PPP4R1: variants seen among roughly 807,000 people sequenced by gnomAD.
The protein encoded by PPP4R1 is protein phosphatase 4 regulatory subunit 1.
Under a neutral mutation model 111.2 loss-of-function variants are expected in PPP4R1, and 42 were observed. That is an observed-to-expected ratio of 0.38 (90% CI 0.29 to 0.49). PPP4R1 has a LOEUF of 0.49. Ranked by LOEUF, PPP4R1 falls within the 20% of genes least tolerant of loss-of-function variation. PPP4R1 has a pLI of 0.97. For synonymous variants in PPP4R1, 409 were observed against 405.5 expected (o/e 1.01, Z -0.10); for missense variants, 1,012 against 1,161.6 (o/e 0.87, Z 1.87).
At chr18:9,584,698 G>A (rs776749580) in intron 7 of PPP4R1, 23 bp downstream of exon 7, 5 of 1,607,156 alleles carry the variant, frequency 3.1e-6, no homozygotes, top group Non-Finnish European at 4.3e-6. Context: ...TTAAACAGCA[G>A]AAAAAAAACG....
chr18:9,584,865 C>A (rs759602433), intron 6 of PPP4R1, 37 bp from the exon 7 acceptor site: 6 of 1,450,068 alleles, frequency 4.1e-6, no homozygotes, highest in Non-Finnish European at 5.7e-6. Flanking sequence ...CTGAAAATAT[C>A]AAGTAAGCCT....
chr18:9,605,141 G>A (rs150189343), intron 2 of PPP4R1, among the ~76,000 whole-genome samples: 1 of 151,986 alleles, frequency 6.6e-6, no homozygotes, highest in East Asian at 1.9e-4. Context: ...ACAATAAATC[G>A]GCCACATTTT....
At chr18:9,549,789 G>A in intron 18 of PPP4R1, 1 of 570,092 alleles carries the variant, frequency 1.8e-6, no homozygotes, top group Non-Finnish European at 3.1e-6. Flanking sequence ...GCACATACCA[G>A]GCATGTGGTG....
chr18:9,561,363 C>T (rs950753480), intron 13 of PPP4R1, among the ~76,000 whole-genome samples: 1 of 152,046 alleles, frequency 6.6e-6, no homozygotes, highest in African/African-American at 2.4e-5. Context: ...CCCACAGTGC[C>T]TTCTTACGAT....
chr18:9,570,266 T>C lies in PPP4R1; in HGVS notation c.1464A>G (p.Glu488=). The C allele has an allele frequency of 6.2e-7, 1 of 1,611,292 alleles. No individual in the cohort carries two copies. The highest frequency in any genetic ancestry group is 8.5e-7 in the Non-Finnish European group (1 of 1,178,878). Residue 488 remains glutamate (E), a synonymous_variant, in exon 11 of 20, where the codon GAA becomes GAG. Coordinates refer to ENST00000400556, the MANE Select transcript of PPP4R1 (RefSeq NM_001042388.3). ...GAGAACTGGGCACAGGGCCCTCAGA[T>C]TCTTCCTCTGGTCCCTCTGGGCTGG... ...GKPSPEGPEE[E]SEGPVPSSPN... is the part of the protein sequence containing the mutation.
At chr18:9,584,453 T>C (rs2067082164) in intron 8 of PPP4R1, 62 bp downstream of exon 8, 2 of 1,415,794 alleles carry the variant, frequency 1.4e-6, no homozygotes, top group East Asian at 4.7e-5. Context: ...TGTGTGCATT[T>C]CAAACTTTAT....
chr18:9,614,410 C>T lies in PPP4R1; in HGVS notation c.7+68G>A, dbSNP rs1598977447. On this transcript the variant is annotated intron_variant, in intron 1 of 19. Transcript: ENST00000400556. The surrounding 1 kb of genome is among the most constrained non-coding windows in gnomAD (Gnocchi z 4.1). ...CGCCGGCCCCGGCCCGGCAGCCACTCAGGGCTGCGGCGGAGGGCGGGTGGG... is the reference window on the plus strand; with the variant it reads ...CGCCGGCCCCGGCCCGGCAGCCACTTAGGGCTGCGGCGGAGGGCGGGTGGG... The T allele has an allele frequency of 9.8e-7, 1 of 1,015,440 alleles. No individual in the cohort carries two copies. The allele number at this position is 1,015,440 out of a possible 1,614,324, so 62.9% of individuals were successfully genotyped here.
Position 9,610,597 on chromosome 18 carries a change from C to T in PPP4R1, c.52+3629G>A, listed in dbSNP as rs369786556. 9.2e-5 allele frequency among the ~76,000 whole-genome samples: 14 copies of T among 151,998 alleles called. No homozygotes were observed. The East Asian group carries it at 1.8e-3, about 19-fold the overall frequency. On this transcript the variant is annotated intron_variant, in intron 2 of 19. Transcript: ENST00000400556. ...CCTGCCTCAGCCTCCTGAGCAGCTG[C>T]GACTACAGGTGCACGCCACCACGCC... is the stretch of plus-strand genomic sequence containing the variant.
chr18:9,606,685 A>G (rs1261445829), intron 2 of PPP4R1, among the ~76,000 whole-genome samples: 1 of 151,848 alleles, frequency 6.6e-6, no homozygotes, highest in Non-Finnish European at 1.5e-5. Flanking sequence ...ATGTATTTAT[A>G]TTTATATATA....
chr18:9,604,003 T>C (rs2067436757), intron 2 of PPP4R1, among the ~76,000 whole-genome samples: 1 of 152,210 alleles, frequency 6.6e-6, no homozygotes, highest in African/African-American at 2.4e-5. Context: ...TTTGTGAGTC[T>C]TAAAAAATGA....
At chr18:9,557,474 TG>T (rs2066605807) in intron 14 of PPP4R1, 92 bp from the exon 15 acceptor site, 5 of 1,159,744 alleles carry the variant, frequency 4.3e-6, no homozygotes, top group Non-Finnish European at 4.7e-6. Context: ...TATATATGAA[TG>T]TTACTAACCT....
chr18:9,560,089 G>C (rs2066648633), intron 13 of PPP4R1, among the ~76,000 whole-genome samples: 1 of 152,008 alleles, frequency 6.6e-6, no homozygotes, highest in Non-Finnish European at 1.5e-5. Flanking sequence ...AGCCCAGCCT[G>C]GGCAACATGG....
At chr18:9,604,568 G>A (rs1370688254) in intron 2 of PPP4R1, among the ~76,000 whole-genome samples, 1 of 151,844 alleles carries the variant, frequency 6.6e-6, no homozygotes, top group Non-Finnish European at 1.5e-5. Flanking sequence ...TTCCATTTCT[G>A]TCCTCTCTAA....
In PPP4R1 at chr18:9,614,385, C is replaced by A; in HGVS notation, c.7+93G>T. On this transcript the variant is annotated intron_variant, in intron 1 of 19. Transcript: ENST00000400556. The surrounding 1 kb of genome is among the most constrained non-coding windows in gnomAD (Gnocchi z 4.1). ...GGCGCCTTCCCGCGCCGGGACCCCA[C>A]GCCGGCCCCGGCCCGGCAGCCACTC... 9.8e-7 allele frequency: 1 copy of A among 1,017,996 alleles called. No individual in the cohort carries two copies. The highest frequency in any genetic ancestry group is 1.2e-6 in the Non-Finnish European group (1 of 848,368). 63.1% of individuals were successfully genotyped at this position (1,017,996 alleles called of 1,614,324 possible). A position where few individuals can be genotyped will look rare whatever the true frequency, so the allele number is the denominator to read the frequency against.
At chr18:9,556,614 TA>T (rs1377994018) in intron 15 of PPP4R1, among the ~76,000 whole-genome samples, 1 of 152,162 alleles carries the variant, frequency 6.6e-6, no homozygotes, top group African/African-American at 2.4e-5. Flanking sequence ...AAACAATTTG[TA>T]AAAAATCAGG....
chr18:9,561,949 C>A, intron 13 of PPP4R1, 31 bp downstream of exon 13: 1 of 1,544,138 alleles, frequency 6.5e-7, no homozygotes. Context: ...AGGAACACAC[C>A]CACAAAAGAA....
At chr18:9,559,721 T>G in intron 13 of PPP4R1, 117 bp from the exon 14 acceptor site, 1 of 746,484 alleles carries the variant, frequency 1.3e-6, no homozygotes, top group Non-Finnish European at 1.9e-6. Flanking sequence ...GCATCTCAAA[T>G]AGTTGAGAAA....
At chr18:9,609,170 T>C (rs1385366004) in intron 2 of PPP4R1, among the ~76,000 whole-genome samples, 1 of 152,200 alleles carries the variant, frequency 6.6e-6, no homozygotes, top group Non-Finnish European at 1.5e-5. Flanking sequence ...TTTTCTAAGA[T>C]ATCAATGATA....
intron 11 of PPP4R1, 23 bp downstream of exon 11, chr18:9,570,134 A>C (rs1470553055): frequency 6.7e-7 from 1 of 1,482,202 alleles, no homozygotes; most frequent in Admixed American, 2.5e-5. Context: ...TTTCAGAATA[A>C]ATAACTTGAT....
Sources: gnomAD v4.1 joint callset for allele counts (sites outside exome capture counted in the v4.1 genomes callset) on GRCh38, gnomAD v4.1.1 for gene constraint, Gnocchi (gnomAD v3.1) non-coding constraint, MANE v1.5 for transcripts, NCBI Gene and HGNC (gene_info 2026-07-23, HGNC 2026-07-21) for gene names.